GALNT17: variants seen among roughly 807,000 people sequenced by gnomAD.
The protein encoded by GALNT17 is polypeptide N-acetylgalactosaminyltransferase 17.
Under a neutral mutation model 63.7 loss-of-function variants are expected in GALNT17, and 29 were observed. The observed-to-expected ratio is 0.46, with a 90% confidence interval of 0.34 to 0.62. The LOEUF (loss-of-function observed/expected upper bound fraction) is 0.62, where lower values mean the gene tolerates loss of function less well. GALNT17 is among the 20% of genes least tolerant of loss of function. The pLI, the probability that GALNT17 is intolerant of heterozygous loss-of-function variation, is 0.01. For missense variants in GALNT17, 603 were observed against 799.6 expected (o/e 0.75, Z 2.97); for synonymous variants, 305 against 318.3 (o/e 0.96, Z 0.45).
At chr7:71,200,940 A>G (rs1423545995) in intron 1 of GALNT17, among the ~76,000 whole-genome samples, 2 of 151,974 alleles carry the variant, frequency 1.3e-5, no homozygotes, top group Non-Finnish European at 1.5e-5. Context: ...ATTTATATGT[A>G]TTATTATTCT....
chr7:71,315,863 G>T (rs76519105), intron 1 of GALNT17, among the ~76,000 whole-genome samples: 7,318 of 152,162 alleles, frequency 0.048, 232 homozygotes, highest in Middle Eastern at 0.075. Flanking sequence ...GGATAACTGG[G>T]ACATGGAAGG....
intron 1 of GALNT17, among the ~76,000 whole-genome samples, chr7:71,228,271 T>G (rs1789719400): frequency 6.6e-6 from 1 of 152,104 alleles, no homozygotes; most frequent in African/African-American, 2.4e-5. Context: ...CAGCAAACGT[T>G]AAGTCTATGC....
At chr7:71,508,675 A>G (rs1250982219) in intron 5 of GALNT17, among the ~76,000 whole-genome samples, 1 of 152,064 alleles carries the variant, frequency 6.6e-6, no homozygotes, top group Non-Finnish European at 1.5e-5. Context: ...AGGTGCTCCA[A>G]GTCCCCAGCC....
At chr7:71,658,616 G>A (rs57659478) in intron 6 of GALNT17, among the ~76,000 whole-genome samples, 34,060 of 151,980 alleles carry the variant, frequency 0.22, 4,198 homozygotes, top group Non-Finnish European at 0.27. Flanking sequence ...GGCCAGGTGC[G>A]GTGGCTCACA....
chr7:71,688,154 T>C (rs1479760108), intron 9 of GALNT17, among the ~76,000 whole-genome samples: 2 of 152,202 alleles, frequency 1.3e-5, no homozygotes, highest in African/African-American at 2.4e-5. Flanking sequence ...CAATCTCTTA[T>C]GCCATATTTT....
intron 6 of GALNT17, among the ~76,000 whole-genome samples, chr7:71,660,653 A>G (rs933072809): frequency 4.6e-5 from 7 of 152,016 alleles, no homozygotes; most frequent in Admixed American, 2.6e-4. Flanking sequence ...TTGCTTCCAG[A>G]CCTCTTGGGT....
intron 6 of GALNT17, among the ~76,000 whole-genome samples, chr7:71,606,724 C>T (rs538194758): frequency 6.6e-6 from 1 of 152,302 alleles, no homozygotes; most frequent in African/African-American, 2.4e-5. Flanking sequence ...TCAGCATTAG[C>T]CATCATCAAG....
intron 5 of GALNT17, among the ~76,000 whole-genome samples, chr7:71,518,973 C>T (rs1010518248): frequency 6.6e-6 from 1 of 152,198 alleles, no homozygotes. Context: ...TCATTTCTTC[C>T]TTCCAGAAAG....
intron 5 of GALNT17, among the ~76,000 whole-genome samples, chr7:71,459,730 C>T (rs1046313858): frequency 6.6e-6 from 1 of 152,164 alleles, no homozygotes; most frequent in Non-Finnish European, 1.5e-5. Flanking sequence ...TCTCTGTTTA[C>T]ATAGCTAGAT....
Position 71,259,646 on chromosome 7 carries a change from G to GT in GALNT17, c.239-75891dup, listed in dbSNP as rs1261238713. Among the ~76,000 whole-genome samples the GT allele has an allele frequency of 9.0e-3, 1,222 of 136,372 alleles. 21 individuals are homozygous for GT. Among genetic ancestry groups the GT allele is most frequent in the African/African-American group, 0.022 (784 of 35,746 alleles). The allele number at this position is 136,372 out of a possible 152,430, so 89.5% of individuals were successfully genotyped here. On this transcript the variant is annotated intron_variant, in intron 1 of 10. Coordinates refer to ENST00000333538, the MANE Select transcript of GALNT17 (RefSeq NM_022479.3). ...GTCCTGTTTTGTTTTTTGTTTTTTT[G>GT]TTTTTTTTTTTTTGAGACGGAGTCT...
intron 1 of GALNT17, among the ~76,000 whole-genome samples, chr7:71,154,129 G>A (rs1407459642): frequency 6.6e-6 from 1 of 152,008 alleles, no homozygotes; most frequent in African/African-American, 2.4e-5. Flanking sequence ...CTGCCTGAGG[G>A]TGCTCTTCAG....
chr7:71,236,200 A>AT (rs1305185362), intron 1 of GALNT17, among the ~76,000 whole-genome samples: 2 of 151,798 alleles, frequency 1.3e-5, no homozygotes, highest in African/African-American at 4.9e-5. Flanking sequence ...TAAATAAAAA[A>AT]AAAAATAAAA....
At chr7:71,196,091 A>G (rs1202655) in intron 1 of GALNT17, among the ~76,000 whole-genome samples, 19,889 of 151,886 alleles carry the variant, frequency 0.13, 1,420 homozygotes, top group East Asian at 0.25. Context: ...ACCTCCTCCC[A>G]TGTGCCTGTT....
At chr7:71,237,927 A>G (rs1253932386) in intron 1 of GALNT17, among the ~76,000 whole-genome samples, 4 of 152,166 alleles carry the variant, frequency 2.6e-5, no homozygotes, top group Non-Finnish European at 5.9e-5. Flanking sequence ...ACCCGTTTCT[A>G]TCCTTGCTGA....
At chr7:71,540,825 G>T (rs1788877442) in intron 5 of GALNT17, among the ~76,000 whole-genome samples, 1 of 152,132 alleles carries the variant, frequency 6.6e-6, no homozygotes, top group African/African-American at 2.4e-5. Flanking sequence ...CATTTTCTTA[G>T]TTAACACAGG....
chr7:71,493,471 G>A (rs886462909), intron 5 of GALNT17, among the ~76,000 whole-genome samples: 2 of 152,140 alleles, frequency 1.3e-5, no homozygotes, highest in African/African-American at 2.4e-5. Context: ...ACAGTTCTAC[G>A]TGGCTGGAGA....
rs377148626 is a variant in GALNT17 at position 71,265,799 on chromosome 7, G to A, written c.239-69751G>A. ...GGTTGGTGCCACTTGTGTCTACTGG[G>A]AGTTCAGTATTAATCTTTTAAGGAA... On this transcript the variant is annotated intron_variant, in intron 1 of 10. Coordinates refer to ENST00000333538, the MANE Select transcript of GALNT17 (RefSeq NM_022479.3). Among the ~76,000 whole-genome samples, 108 of 152,326 alleles carry A rather than the reference G, an allele frequency of 7.1e-4. 1 individual carries two copies. The South Asian group carries it at 0.021, about 30-fold the overall frequency.
chr7:71,712,036 A>G lies in GALNT17; in HGVS notation c.1687A>G (p.Lys563Glu), dbSNP rs768106595. The change falls in exon 11 of 11, where the codon AAG (lysine) becomes GAG (glutamate). Residue 563 changes from lysine to glutamate, a missense_variant. Around this residue, in one of 3 missense-constraint regions of GALNT17, gnomAD observed 72 missense variants for 76.9 expected, o/e 0.94. Transcript: ENST00000333538. ...NFIQNGAIMNKGTGRCLEVEN... is the reference protein window; with the variant it reads ...NFIQNGAIMNEGTGRCLEVEN... ...CTCCCAGAATGGAGCCATCATGAAC[A>G]AGGGCACGGGACGCTGCCTGGAGGT... 3 of 1,613,714 alleles carry G rather than the reference A, an allele frequency of 1.9e-6. No individual in the cohort carries two copies. The highest frequency in any genetic ancestry group is 2.5e-6 in the Non-Finnish European group (3 of 1,179,950).
intron 1 of GALNT17, among the ~76,000 whole-genome samples, chr7:71,280,870 C>G (rs958308307): frequency 6.6e-6 from 1 of 152,098 alleles, no homozygotes; most frequent in African/African-American, 2.4e-5. Flanking sequence ...CATCACATGC[C>G]CACTTGGAGG....
Sources: gnomAD v4.1 joint callset for allele counts (sites outside exome capture counted in the v4.1 genomes callset) on GRCh38, gnomAD v4.1.1 for gene constraint, gnomAD v4.1.1 regional missense constraint, MANE v1.5 for transcripts, NCBI Gene and HGNC (gene_info 2026-07-23, HGNC 2026-07-21) for gene names.